The following TNFAIP8 variants were observed in gnomAD, a reference collection of about 807,000 sequenced individuals.
TNFAIP8 encodes the protein TNF alpha induced protein 8, also known as tumor necrosis factor alpha-induced protein 8.
Under a neutral mutation model 13.3 loss-of-function variants are expected in TNFAIP8, and 7 were observed. The observed-to-expected ratio is 0.52, with a 90% CI of 0.30 to 0.99. TNFAIP8 has a LOEUF of 0.99. Among genes scored for constraint, TNFAIP8 ranks in the 50% least tolerant of loss-of-function variants. The pLI, the probability that TNFAIP8 is intolerant of heterozygous loss-of-function variation, is 0.07. For synonymous variants in TNFAIP8, 94 were observed against 87.6 expected (o/e 1.07, Z -0.41); for missense variants, 258 against 236.9 (o/e 1.09, Z -0.58).
At chr5:119,307,383 G>T (rs1749597535) in intron 1 of TNFAIP8, among the ~76,000 whole-genome samples, 1 of 152,132 alleles carries the variant, frequency 6.6e-6, no homozygotes, top group Admixed American at 6.5e-5. Flanking sequence ...AAGTGTAATT[G>T]CTGAGTCAGA....
intron 1 of TNFAIP8, among the ~76,000 whole-genome samples, chr5:119,348,222 G>A (rs113221457): frequency 6.6e-6 from 1 of 152,286 alleles, no homozygotes; most frequent in African/African-American, 2.4e-5. Context: ...TGTGTGGTAA[G>A]CACTGGAAAG....
chr5:119,399,216 G>C lies in TNFAIP8; in HGVS notation c.*5835G>C, dbSNP rs1200989637. On this transcript the variant is annotated 3_prime_UTR_variant, in exon 2 of 2. Transcript: ENST00000504771. ...CAGGAATTTGGCATGCCTTCCTCTG[G>C]GAGAGGCACTGGAGTGTGGCCAGAT... 6.6e-6 allele frequency: 1 copy of C among 152,164 alleles called. No individual in the cohort carries two copies. The highest frequency in any genetic ancestry group is 1.5e-5 in the Non-Finnish European group (1 of 68,034). 9.4% of individuals were successfully genotyped at this position (152,164 alleles called of 1,614,324 possible).
chr5:119,271,890 C>G (rs1274998177), intron 1 of TNFAIP8, among the ~76,000 whole-genome samples: 3 of 152,146 alleles, frequency 2.0e-5, no homozygotes, highest in Non-Finnish European at 4.4e-5. Flanking sequence ...AACACCCAAC[C>G]TTTATGTTTC....
intron 1 of TNFAIP8, among the ~76,000 whole-genome samples, chr5:119,349,794 T>C (rs1180096634): frequency 1.3e-5 from 2 of 152,250 alleles, no homozygotes; most frequent in African/African-American, 4.8e-5. Context: ...ACAGAGAGAT[T>C]TGACGATGGT....
At chr5:119,359,131 A>C (rs55774612) in intron 1 of TNFAIP8, among the ~76,000 whole-genome samples, 1 of 152,072 alleles carries the variant, frequency 6.6e-6, no homozygotes, top group Non-Finnish European at 1.5e-5. Context: ...TGTCATTCCT[A>C]CTGCAGAATG....
chr5:119,295,399 T>A (rs1251676205), intron 1 of TNFAIP8, among the ~76,000 whole-genome samples: 3 of 151,892 alleles, frequency 2.0e-5, no homozygotes, highest in Non-Finnish European at 2.9e-5. Context: ...CCTTTCCCCA[T>A]TGCTTGTTTA....
chr5:119,356,026 G>A lies in TNFAIP8; in HGVS notation c.-65G>A, dbSNP rs1367505384. ...TCGTGTGCGGATTTCGCTGCAGAGC[G>A]AACTTGCGGCTCGTCCGAGTACATG... On this transcript the variant is annotated 5_prime_UTR_variant, in exon 1 of 2. Transcript: ENST00000504771. 1.9e-6 allele frequency: 3 copies of A among 1,546,988 alleles called. No individual in the cohort carries two copies. The highest frequency in any genetic ancestry group is 2.6e-6 in the Non-Finnish European group (3 of 1,142,146).
intron 1 of TNFAIP8, among the ~76,000 whole-genome samples, chr5:119,270,715 ACTC>A (rs1251238147): frequency 6.6e-6 from 1 of 151,956 alleles, no homozygotes; most frequent in African/African-American, 2.4e-5. Context: ...ACTACCACCT[ACTC>A]CTCTGTAAAA....
chr5:119,299,699 C>G (rs1684645837), intron 1 of TNFAIP8, among the ~76,000 whole-genome samples: 1 of 152,160 alleles, frequency 6.6e-6, no homozygotes, highest in Admixed American at 6.5e-5. Context: ...TTTGTTGTGC[C>G]CTGCCCCCAG....
chr5:119,318,282 C>A (rs1749957256), intron 1 of TNFAIP8, among the ~76,000 whole-genome samples: 2 of 150,630 alleles, frequency 1.3e-5, no homozygotes, highest in African/African-American at 4.9e-5. Context: ...GCCTTTTGTT[C>A]TAGAATGGAT....
intron 1 of TNFAIP8, among the ~76,000 whole-genome samples, chr5:119,341,773 A>G (rs1336390436): frequency 6.6e-6 from 1 of 152,192 alleles, no homozygotes; most frequent in Non-Finnish European, 1.5e-5. Flanking sequence ...ATCTCAATCA[A>G]AACAGTTCTG....
chr5:119,386,054 A>G (rs922404670), intron 1 of TNFAIP8, among the ~76,000 whole-genome samples: 1 of 152,220 alleles, frequency 6.6e-6, no homozygotes, highest in African/African-American at 2.4e-5. Flanking sequence ...TAAGTATACT[A>G]TAGTTTTCCA....
At chr5:119,312,554 A>G (rs1273933955) in intron 1 of TNFAIP8, among the ~76,000 whole-genome samples, 1 of 152,058 alleles carries the variant, frequency 6.6e-6, no homozygotes, top group African/African-American at 2.4e-5. Context: ...TGACACCGCC[A>G]GAGGGGGCAC....
chr5:119,338,165 GACACACACACACACACACACACAC>G lies in TNFAIP8; in HGVS notation c.2-54628_2-54605del, dbSNP rs367789572. On this transcript the variant is annotated intron_variant, in intron 1 of 1. Coordinates refer to the TNFAIP8 transcript ENST00000274456. ...ATTCCAGATTGGAATCTGGAACTTT[GACACACACACACACACACACACAC>G]ACACACACACACACACACACACCTT... Among the ~76,000 whole-genome samples the G allele has an allele frequency of 8.8e-3, 1,101 of 125,246 alleles. 15 individuals carry two copies. The highest frequency in any genetic ancestry group is 0.031 in the African/African-American group (1,014 of 32,716). The allele number at this position is 125,246 out of a possible 152,430, so 82.2% of individuals were successfully genotyped here.
chr5:119,287,525 C>A (rs561789011), intron 1 of TNFAIP8, among the ~76,000 whole-genome samples: 2 of 151,962 alleles, frequency 1.3e-5, no homozygotes, highest in Admixed American at 1.3e-4. Flanking sequence ...TAACTATAGT[C>A]GCCGTGCTGT....
In TNFAIP8 at chr5:119,396,221, A is replaced by G. The variant is rs1753068936; in HGVS notation, c.*2840A>G. On this transcript the variant is annotated 3_prime_UTR_variant, in exon 2 of 2. Transcript: ENST00000504771. ...TTTGGCTCAGAGAAGCGTGGGCAGT[A>G]TGCTGCTGAAATGGTTCCTCATATA... The G allele has an allele frequency of 6.6e-6, 1 of 152,282 alleles. No individual in the cohort carries two copies. The highest frequency in any genetic ancestry group is 2.1e-4 in the South Asian group (1 of 4,836). The allele number at this position is 152,282 out of a possible 1,614,324, so 9.4% of individuals were successfully genotyped here.
intron 1 of TNFAIP8, among the ~76,000 whole-genome samples, chr5:119,348,880 C>CAAAAA (rs60633145): frequency 6.6e-5 from 6 of 90,982 alleles, no homozygotes; most frequent in Non-Finnish European, 1.0e-4. Context: ...AACTCCATCT[C>CAAAAA]AAAAAAAAAA....
chr5:119,360,599 A>T lies in TNFAIP8; in HGVS notation c.31+4478A>T, dbSNP rs77146356. Among the ~76,000 whole-genome samples, 170 of 152,330 alleles carry T rather than the reference A, an allele frequency of 1.1e-3. 4 individuals are homozygous for T. The East Asian group carries it at 0.028, about 25-fold the overall frequency. On this transcript the variant is annotated intron_variant, in intron 1 of 1. Transcript: ENST00000504771. ...GCCAATCCTTCTTTCTGACCTCTTC[A>T]TTTTAGAGGTGAGGCACTGAGGCCC...
chr5:119,292,228 G>GAGCCCATTCTATTCT (rs1749009602), intron 1 of TNFAIP8, among the ~76,000 whole-genome samples: 1 of 152,038 alleles, frequency 6.6e-6, no homozygotes, highest in African/African-American at 2.4e-5. Context: ...CTGGCCCAAG[G>GAGCCCATTCTATTCT]AGAAGAGCCC....
Sources: allele counts gnomAD v4.1 joint callset (sites outside exome capture counted in the v4.1 genomes callset), GRCh38; gene constraint gnomAD v4.1.1; transcripts MANE v1.5; gene names NCBI Gene and HGNC (gene_info 2026-07-23, HGNC 2026-07-21).